Variants in LRBA observed in about 807,000 individuals in gnomAD.
The protein encoded by LRBA is lipopolysaccharide-responsive and beige-like anchor protein.
LRBA carries 176 observed loss-of-function variants against 330.0 expected under a neutral mutation model. That is an observed-to-expected ratio of 0.53 (90% CI 0.47 to 0.60). LRBA has a LOEUF of 0.60. Ranked by LOEUF, LRBA falls within the 20% of genes least tolerant of loss-of-function variation. The pLI is 0.00. For missense variants in LRBA, 3,259 were observed against 3,444.8 expected (o/e 0.95, Z 1.35); for synonymous variants, 1,230 against 1,193.0 (o/e 1.03, Z -0.64).
At chr4:150,940,239 T>TAAAA (rs11455731) in intron 2 of LRBA, among the ~76,000 whole-genome samples, 1 of 142,438 alleles carries the variant, frequency 7.0e-6, no homozygotes, top group Non-Finnish European at 1.5e-5. Flanking sequence ...CCTGGTCTCT[T>TAAAA]AAAAAAAAAA....
intron 40 of LRBA, among the ~76,000 whole-genome samples, chr4:150,513,169 C>A (rs1762005244): frequency 6.6e-6 from 1 of 152,192 alleles, no homozygotes; most frequent in African/African-American, 2.4e-5. Context: ...AAGACCACCT[C>A]AAGGTATAAT....
chr4:150,743,822 G>A (rs987133518), intron 35 of LRBA, among the ~76,000 whole-genome samples: 1 of 152,146 alleles, frequency 6.6e-6, no homozygotes, highest in Non-Finnish European at 1.5e-5. Flanking sequence ...ACATGTCTCT[G>A]TTCTTTGAAG....
At chr4:151,003,396 CAAA>C (rs55783969) in intron 2 of LRBA, among the ~76,000 whole-genome samples, 11 of 88,964 alleles carry the variant, frequency 1.2e-4, no homozygotes, top group Admixed American at 1.2e-4. Context: ...GATTCGGTTT[CAAA>C]AAAAAAAAAA....
chr4:150,355,269 C>T (rs1168983998), intron 47 of LRBA, among the ~76,000 whole-genome samples: 2 of 151,924 alleles, frequency 1.3e-5, no homozygotes, highest in African/African-American at 4.8e-5. Context: ...ATGTAAAAAT[C>T]AAGAAAACCA....
At chr4:150,937,593 C>CATAT (rs1199984540) in intron 2 of LRBA, among the ~76,000 whole-genome samples, 2 of 151,936 alleles carry the variant, frequency 1.3e-5, no homozygotes, top group Middle Eastern at 3.2e-3. Context: ...GTCTCCTTTG[C>CATAT]TATATAGAAC....
At chr4:150,564,127 T>A (rs1395856674) in intron 40 of LRBA, among the ~76,000 whole-genome samples, 2 of 152,126 alleles carry the variant, frequency 1.3e-5, no homozygotes, top group Non-Finnish European at 2.9e-5. Context: ...GCTACCTGAC[T>A]TCAAACTATA....
In LRBA at chr4:150,525,374, A is replaced by G. The variant is rs1763350750; in HGVS notation, c.6331-34339T>C. On this transcript the variant is annotated intron_variant, in intron 40 of 56. Coordinates refer to ENST00000651943, the MANE Select transcript of LRBA (RefSeq NM_001364905.1). ...CAAAAGATTCATTACTTTGATAACCATTTATCAGGGACTCAAGTTCAATCT... is the reference window on the plus strand; with the variant it reads ...CAAAAGATTCATTACTTTGATAACCGTTTATCAGGGACTCAAGTTCAATCT... 2.0e-5 allele frequency among the ~76,000 whole-genome samples: 3 copies of G among 151,526 alleles called. No homozygotes were observed. The South Asian group carries it at 6.3e-4, about 32-fold the overall frequency.
intron 40 of LRBA, among the ~76,000 whole-genome samples, chr4:150,553,052 G>A (rs1384508517): frequency 6.6e-6 from 1 of 150,688 alleles, no homozygotes; most frequent in South Asian, 2.1e-4. Flanking sequence ...CTGGGCGACA[G>A]AGCGAGGCTC....
rs1485803617 is a variant in LRBA, at chr4:150,942,393, T to C, written c.217-13328A>G. Among the ~76,000 whole-genome samples the C allele has an allele frequency of 3.3e-5, 5 of 152,200 alleles. No homozygotes were observed. The East Asian group carries it at 9.6e-4, about 29-fold the overall frequency. The stretch of plus-strand genomic sequence containing the variant: ...TCTCTACAATTGCCTTTCCTCTTTC[T>C]TGCTTCTTTTAAAGAACTATACCTT... On this transcript the variant is annotated intron_variant, in intron 2 of 56. Transcript: ENST00000651943.
rs1371467032 is a variant in LRBA, at chr4:150,770,539, G to A, written c.5581-8692C>T. Among the ~76,000 whole-genome samples, 3 of 151,614 alleles carry A rather than the reference G, an allele frequency of 2.0e-5. No individual in the cohort carries two copies. The East Asian group carries it at 5.8e-4, about 29-fold the overall frequency. ...CAATACATCTTAAGTTGCATGGTGA[G>A]GGATTAAAAGAGGAAAGAAAACAAA... On this transcript the variant is annotated intron_variant, in intron 34 of 56. Coordinates refer to ENST00000651943, the MANE Select transcript of LRBA (RefSeq NM_001364905.1).
At chr4:150,311,081 G>A (rs1389288939) in intron 51 of LRBA, 1 of 152,136 alleles carries the variant, frequency 6.6e-6, no homozygotes, top group Non-Finnish European at 1.5e-5. Flanking sequence ...CACCTGAGAC[G>A]GGGTTTGTCA....
intron 47 of LRBA, among the ~76,000 whole-genome samples, chr4:150,398,369 A>G (rs1745031749): frequency 6.6e-6 from 1 of 152,212 alleles, no homozygotes; most frequent in Non-Finnish European, 1.5e-5. Context: ...ATAAAAATGA[A>G]AAAGTAAATG....
chr4:150,633,092 T>C (rs531522975), intron 37 of LRBA, among the ~76,000 whole-genome samples: 2 of 152,260 alleles, frequency 1.3e-5, no homozygotes, highest in Non-Finnish European at 2.9e-5. Flanking sequence ...ACTTGCTATA[T>C]AGTTTAGCAG....
intron 37 of LRBA, among the ~76,000 whole-genome samples, chr4:150,631,047 C>T (rs1220818617): frequency 6.6e-6 from 1 of 151,768 alleles, no homozygotes; most frequent in South Asian, 2.1e-4. Context: ...TTGAAGAGAA[C>T]CAAGAGTTTT....
In LRBA at chr4:150,350,170, G is replaced by T; in HGVS notation, c.7195-11C>A. On this transcript the variant is annotated splice_polypyrimidine_tract_variant and intron_variant, in intron 47 of 56. Coordinates refer to ENST00000651943, the MANE Select transcript of LRBA (RefSeq NM_001364905.1). Reference sequence around the variant, plus strand: ...TTCACTCTCCAGGGCCTGAAAAAAGGTATACATTGTATTACTATGCTGAAT... The same window carrying T: ...TTCACTCTCCAGGGCCTGAAAAAAGTTATACATTGTATTACTATGCTGAAT... 1 of 1,532,008 alleles carries T rather than the reference G, an allele frequency of 6.5e-7. No individual in the cohort carries two copies. The highest frequency in any genetic ancestry group is 8.7e-7 in the Non-Finnish European group (1 of 1,145,106). The allele number at this position is 1,532,008 out of a possible 1,614,324, so 94.9% of individuals were successfully genotyped here.
intron 13 of LRBA, among the ~76,000 whole-genome samples, chr4:150,903,534 T>C (rs566302090): frequency 1.3e-5 from 2 of 151,778 alleles, no homozygotes; most frequent in South Asian, 4.2e-4. Flanking sequence ...AGCCCAGGAG[T>C]TCGAGACCAG....
At chr4:150,594,127 C>A (rs1442545659) in intron 38 of LRBA, among the ~76,000 whole-genome samples, 3 of 151,980 alleles carry the variant, frequency 2.0e-5, no homozygotes, top group Non-Finnish European at 4.4e-5. Flanking sequence ...TGTTCAAGCT[C>A]CACTGAAAAA....
At chr4:150,825,849 T>C (rs559692232) in intron 30 of LRBA, among the ~76,000 whole-genome samples, 14 of 152,288 alleles carry the variant, frequency 9.2e-5, no homozygotes, top group African/African-American at 3.1e-4. Context: ...TGATATGTAC[T>C]GTAGATTGAG....
chr4:150,941,221 C>T (rs1253706741), intron 2 of LRBA, among the ~76,000 whole-genome samples: 3 of 152,062 alleles, frequency 2.0e-5, no homozygotes, highest in South Asian at 2.1e-4. Context: ...TCAGCAGCAT[C>T]GGCTTACTGC....
Sources: gnomAD v4.1 joint callset for allele counts (sites outside exome capture counted in the v4.1 genomes callset) on GRCh38, gnomAD v4.1.1 for gene constraint, MANE v1.5 for transcripts, NCBI Gene and HGNC (gene_info 2026-07-23, HGNC 2026-07-21) for gene names.